SRP68: variants seen among roughly 807,000 people sequenced by gnomAD.
SRP68 encodes the protein signal recognition particle subunit SRP68.
SRP68 carries 15 observed loss-of-function variants against 82.2 expected under a neutral mutation model. That is an observed-to-expected ratio of 0.18 (90% CI 0.12 to 0.28). SRP68 has a LOEUF of 0.28. Among genes scored for constraint, SRP68 ranks in the 10% least tolerant of loss-of-function variants. The pLI is 1.00. For synonymous variants in SRP68, 261 were observed against 292.6 expected, an observed-to-expected ratio of 0.89 and a Z score of 1.10; for missense variants, 595 against 780.5, an observed-to-expected ratio of 0.76 and a Z score of 2.83.
intron 12 of SRP68, among the ~76,000 whole-genome samples, chr17:76,044,300 C>G (rs935508081): frequency 6.6e-6 from 1 of 152,192 alleles, no homozygotes; most frequent in Non-Finnish European, 1.5e-5. Flanking sequence ...ATCCCAAACC[C>G]ATCCACACAC....
intron 10 of SRP68, 26 bp downstream of exon 10, chr17:76,047,880 A>G (rs1158218965): frequency 7.6e-7 from 1 of 1,314,386 alleles, no homozygotes; most frequent in Non-Finnish European, 1.0e-6. Flanking sequence ...AATATTAAAA[A>G]GTAAAAAAAT....
rs1285895509 is a variant in SRP68 at position 76,040,966 on chromosome 17, C to T, written c.1537G>A (p.Val513Met). ...CGCACTTGAGTGATGAGCTCTTGCACATCAGGCAGGTCCTGTAAGATTCAG... is the reference window on the plus strand; with the variant it reads ...CGCACTTGAGTGATGAGCTCTTGCATATCAGGCAGGTCCTGTAAGATTCAG... ...FKNSLKDLPD[V>M]QELITQVRSE... Residue 513 changes from valine (V) to methionine (M), a missense_variant, in exon 14 of 16, where the codon GTG (valine) becomes ATG (methionine). Val to Met is a conservative substitution (Grantham distance 21). This residue lies in a region of SRP68 where 495 missense variants were observed against 688.6 expected (regional missense o/e 0.72). Transcript: ENST00000307877. The T allele has an allele frequency of 6.2e-7, 1 of 1,613,986 alleles. No homozygotes were observed. Among genetic ancestry groups the T allele is most frequent in the Non-Finnish European group, 8.5e-7 (1 of 1,179,920 alleles).
intron 12 of SRP68, 147 bp from the exon 13 acceptor site, chr17:76,044,105 G>T: frequency 1.1e-6 from 1 of 884,682 alleles, no homozygotes; most frequent in Non-Finnish European, 1.6e-6. Context: ...CATGGGAAGT[G>T]TTCAGATTTG....
chr17:76,070,850 G>GCACATGCACACACACACACACA (rs149422993), intron 1 of SRP68, among the ~76,000 whole-genome samples: 2 of 146,890 alleles, frequency 1.4e-5, no homozygotes, highest in East Asian at 4.1e-4. Flanking sequence ...ACATGCACAT[G>GCACATGCACACACACACACACA]CACACACACA....
At chr17:76,061,026 C>T in intron 6 of SRP68, 84 bp downstream of exon 6, 2 of 829,932 alleles carry the variant, frequency 2.4e-6, no homozygotes, top group Admixed American at 4.4e-5. Context: ...GTTACATCAA[C>T]TCTCTAGGCT....
chr17:76,053,632 C>T (rs1193394356), intron 8 of SRP68: 4 of 985,246 alleles, frequency 4.1e-6, no homozygotes, highest in Non-Finnish European at 4.8e-6. Context: ...TACAAACATC[C>T]TAAAAAGCAA....
rs1013334869 is a variant in SRP68 at position 76,039,377 on chromosome 17, T to C, written c.*329A>G. The C allele has an allele frequency of 5.7e-6, 3 of 523,594 alleles. No homozygotes were observed. Among genetic ancestry groups the C allele is most frequent in the African/African-American group, 3.8e-5 (2 of 52,676 alleles). The allele number at this position is 523,594 out of a possible 1,614,324, so 32.4% of individuals were successfully genotyped here. The stretch of plus-strand genomic sequence containing the variant: ...CATGACAAAGCGTTTCAAGGCCCCA[T>C]CTGTGCCTGGTGTGGACTCCTGAAC... On this transcript the variant is annotated 3_prime_UTR_variant, in exon 16 of 16. Coordinates refer to ENST00000307877, the MANE Select transcript of SRP68 (RefSeq NM_014230.4).
chr17:76,059,930 C>T (rs1253169482), intron 7 of SRP68, among the ~76,000 whole-genome samples: 1 of 151,116 alleles, frequency 6.6e-6, no homozygotes, highest in Non-Finnish European at 1.5e-5. Context: ...TCGAGACCAT[C>T]CTGGCTAAGG....
At chr17:76,064,678 T>A (rs2066793407) in intron 3 of SRP68, among the ~76,000 whole-genome samples, 1 of 151,770 alleles carries the variant, frequency 6.6e-6, no homozygotes. Flanking sequence ...CCATCTCTAC[T>A]AAAAATACAA....
intron 10 of SRP68, 30 bp from the exon 11 acceptor site, chr17:76,046,224 A>G: frequency 6.2e-7 from 1 of 1,611,346 alleles, no homozygotes; most frequent in African/African-American, 1.3e-5. Flanking sequence ...AGCTCAAGTT[A>G]TACTCAGAGA....
chr17:76,040,830 T>G, intron 14 of SRP68, 73 bp downstream of exon 14: 1 of 1,370,360 alleles, frequency 7.3e-7, no homozygotes, highest in Non-Finnish European at 1.0e-6. Context: ...AAAACAGTAG[T>G]ATGGGGTGTG....
Position 76,047,890 on chromosome 17 carries a change from T to A in SRP68, c.1142+16A>T. On this transcript the variant is annotated intron_variant, in intron 10 of 15. Transcript: ENST00000307877. ...TTAATAATATTAAAAAGTAAAAAAA[T>A]TAAAATAACCCTTACCTATGCAAGT... is the stretch of plus-strand genomic sequence containing the variant. 3 of 1,410,500 alleles carry A rather than the reference T, an allele frequency of 2.1e-6. No homozygotes were observed. Among genetic ancestry groups the A allele is most frequent in the South Asian group, 1.7e-5 (1 of 59,388 alleles). The allele number at this position is 1,410,500 out of a possible 1,614,324, so 87.4% of individuals were successfully genotyped here. A position where few individuals can be genotyped will look rare whatever the true frequency, so the allele number is the denominator to read the frequency against.
rs540241325 is a variant in SRP68 at position 76,038,989 on chromosome 17, A to C, written c.*717T>G. ...AACATGTGTATCTGGCATCAGCCTC[A>C]CCTAGTTGCCGGTAAGTCAGGTTAC... On this transcript the variant is annotated 3_prime_UTR_variant, in exon 16 of 16. Coordinates refer to ENST00000307877, the MANE Select transcript of SRP68 (RefSeq NM_014230.4). The C allele has an allele frequency of 1.2e-5, 2 of 173,256 alleles. No individual in the cohort carries two copies. Among genetic ancestry groups the C allele is most frequent in the Admixed American group, 1.1e-4 (2 of 17,716 alleles). 10.7% of individuals were successfully genotyped at this position (173,256 alleles called of 1,614,324 possible). A position where few individuals can be genotyped will look rare whatever the true frequency, so the allele number is the denominator to read the frequency against.
Position 76,046,292 on chromosome 17 carries a change from G to A in SRP68, c.1143-98C>T, listed in dbSNP as rs1598259336. The A allele has an allele frequency of 7.2e-6, 10 of 1,387,162 alleles. No homozygotes were observed. In the East Asian group the frequency reaches 2.3e-4, roughly 32 times the overall value. 85.9% of individuals were successfully genotyped at this position (1,387,162 alleles called of 1,614,324 possible). On this transcript the variant is annotated intron_variant, in intron 10 of 15. Transcript: ENST00000307877. ...TGGGGCTGACCCAGAGGAAGCAGGG[G>A]GCGGGTGGGGGCGTGGCCACAGCAG...
In SRP68 at chr17:76,072,237, G is replaced by A; in HGVS notation, c.184+71C>T. 1 of 1,596,768 alleles carries A rather than the reference G, an allele frequency of 6.3e-7. No homozygotes were observed. Among genetic ancestry groups the A allele is most frequent in the South Asian group, 1.1e-5 (1 of 89,012 alleles). ...CTGCCAGGACTTGTCGGGACCCGCC[G>A]CCTCTCCCGCCCCCAGCCCTCCAGT... On this transcript the variant is annotated intron_variant, in intron 1 of 15. Coordinates refer to ENST00000307877, the MANE Select transcript of SRP68 (RefSeq NM_014230.4). The surrounding 1 kb of genome is among the most constrained non-coding windows in gnomAD (Gnocchi z 4.5).
At position 76,046,190 on chromosome 17, in the gene SRP68, G is replaced by A. The variant is rs1336447519; in HGVS notation, c.1147C>T (p.Leu383=). The A allele has an allele frequency of 5.0e-6, 8 of 1,613,806 alleles. No individual in the cohort carries two copies. Among genetic ancestry groups the A allele is most frequent in the South Asian group, 2.2e-5 (2 of 91,068 alleles). ...GCCGTTGATAGCTTGATGTAAGTCA[G>A]GTAGCTGGAATGCACCACAAGTCAG... ...VSNLQYLHSY[L]TYIKLSTAIK... The change falls in exon 11 of 16, where the codon CTG becomes TTG. Residue 383 remains leucine, a synonymous_variant. Transcript: ENST00000307877.
intron 4 of SRP68, among the ~76,000 whole-genome samples, chr17:76,062,573 A>T (rs1347980071): frequency 2.0e-5 from 1 of 50,180 alleles, no homozygotes; most frequent in East Asian, 4.1e-4. Flanking sequence ...ATATTATATA[A>T]TATACATTAT....
At chr17:76,070,034 G>A (rs1191576654) in intron 2 of SRP68, among the ~76,000 whole-genome samples, 1 of 151,816 alleles carries the variant, frequency 6.6e-6, no homozygotes. Context: ...CCAGGATTGC[G>A]CCACTACACT....
At position 76,072,400 on chromosome 17, in the gene SRP68, C is replaced by T. The variant is rs1459207149; in HGVS notation, c.92G>A (p.Arg31His). ...GSGGGGSGGG[R>H]GAGGEENKEN... ...TTTATTTTCTTCCCCTCCGGCACCA[C>T]GTCCACCGCCGCTACCGCCGCCGCC... Residue 31 changes from arginine to histidine, a missense_variant, in exon 1 of 16, where the codon CGT becomes CAT. This residue lies in a region of SRP68 where 100 missense variants were observed against 91.9 expected (regional missense o/e 1.09). Transcript: ENST00000307877. The surrounding 1 kb of genome is among the most constrained non-coding windows in gnomAD (Gnocchi z 4.5). The T allele has an allele frequency of 6.2e-7, 1 of 1,602,002 alleles. No homozygotes were observed. The highest frequency in any genetic ancestry group is 8.5e-7 in the Non-Finnish European group (1 of 1,177,854).
Sources: gnomAD v4.1 joint callset for allele counts (sites outside exome capture counted in the v4.1 genomes callset) on GRCh38, gnomAD v4.1.1 for gene constraint, gnomAD v4.1.1 regional missense constraint, Gnocchi (gnomAD v3.1) non-coding constraint, MANE v1.5 for transcripts, NCBI Gene and HGNC (gene_info 2026-07-23, HGNC 2026-07-21) for gene names.